RBFOX1: variants seen among roughly 807,000 people sequenced by gnomAD.
The protein encoded by RBFOX1 is RNA binding protein fox-1 homolog 1.
Under a neutral mutation model 57.7 loss-of-function variants are expected in RBFOX1, and 8 were observed. That is an observed-to-expected ratio of 0.14 (90% CI 0.08 to 0.25). The LOEUF (loss-of-function observed/expected upper bound fraction) is 0.25. Among genes scored for constraint, RBFOX1 ranks in the 10% least tolerant of loss-of-function variants. RBFOX1 has a pLI of 1.00. For missense variants in RBFOX1, 611 were observed against 548.5 expected (o/e 1.11, Z -1.14); for synonymous variants, 326 against 222.4 (o/e 1.47, Z -4.15).
At chr16:6,664,304 A>G (rs2098718953) in intron 3 of RBFOX1, among the ~76,000 whole-genome samples, 1 of 152,144 alleles carries the variant, frequency 6.6e-6, no homozygotes, top group African/African-American at 2.4e-5. Context: ...AGTAACCCTC[A>G]TTCCTCTTGG....
chr16:7,026,816 C>T (rs142760124), intron 3 of RBFOX1, among the ~76,000 whole-genome samples: 2 of 152,330 alleles, frequency 1.3e-5, no homozygotes, highest in African/African-American at 4.8e-5. Context: ...AAAGTTTACA[C>T]ATGGCACCTG....
chr16:7,142,751 T>C (rs1169813373), intron 4 of RBFOX1, among the ~76,000 whole-genome samples: 2 of 152,196 alleles, frequency 1.3e-5, no homozygotes, highest in African/African-American at 4.8e-5. Flanking sequence ...TCTACTGTTT[T>C]GTATATGACA....
At chr16:6,322,828 G>A (rs2081966709) in intron 2 of RBFOX1, among the ~76,000 whole-genome samples, 1 of 152,190 alleles carries the variant, frequency 6.6e-6, no homozygotes, top group African/African-American at 2.4e-5. Flanking sequence ...TTAATTCAAG[G>A]CCAGGCACAG....
chr16:7,696,417 G>T (rs2078809175), intron 14 of RBFOX1, among the ~76,000 whole-genome samples: 1 of 151,950 alleles, frequency 6.6e-6, no homozygotes, highest in Admixed American at 6.6e-5. Context: ...TTCTTAGACG[G>T]GAGGTCTCCG....
At chr16:6,690,614 G>A (rs1431424299) in intron 3 of RBFOX1, among the ~76,000 whole-genome samples, 3 of 152,084 alleles carry the variant, frequency 2.0e-5, no homozygotes, top group Non-Finnish European at 4.4e-5. Context: ...AGACCAAGCA[G>A]GGATTGGTTG....
intron 5 of RBFOX1, among the ~76,000 whole-genome samples, chr16:7,531,349 C>T (rs2080023398): frequency 1.3e-5 from 2 of 152,216 alleles, no homozygotes; most frequent in South Asian, 2.1e-4. Flanking sequence ...TTAGTGAGCT[C>T]ATACTGGGTA....
At chr16:6,960,990 A>C (rs2082854879) in intron 3 of RBFOX1, among the ~76,000 whole-genome samples, 1 of 134,476 alleles carries the variant, frequency 7.4e-6, no homozygotes. Flanking sequence ...AAAAAAAAAA[A>C]AAAATTAGCT....
intron 3 of RBFOX1, among the ~76,000 whole-genome samples, chr16:5,710,049 C>G (rs914573455): frequency 1.3e-5 from 2 of 150,334 alleles, no homozygotes; most frequent in Non-Finnish European, 3.0e-5. Flanking sequence ...TTTAAGTGCC[C>G]ATGTATCTTC....
intron 10 of RBFOX1, among the ~76,000 whole-genome samples, chr16:7,626,159 C>G (rs1041840378): frequency 6.6e-6 from 1 of 152,234 alleles, no homozygotes; most frequent in Non-Finnish European, 1.5e-5. Context: ...AGGTGTGAAA[C>G]TGCACTGCTG....
intron 2 of RBFOX1, among the ~76,000 whole-genome samples, chr16:6,394,499 G>A (rs564411999): frequency 4.5e-4 from 54 of 119,850 alleles, no homozygotes; most frequent in African/African-American, 1.4e-3. Context: ...ATAGCAGTGG[G>A]AAAATTGCTT....
chr16:7,091,052 C>T (rs1243245351), intron 4 of RBFOX1, among the ~76,000 whole-genome samples: 1 of 152,208 alleles, frequency 6.6e-6, no homozygotes, highest in East Asian at 1.9e-4. Flanking sequence ...CTCTGCCACT[C>T]AAGTCTTGGA....
intron 4 of RBFOX1, among the ~76,000 whole-genome samples, chr16:5,976,291 C>T (rs1178171597): frequency 1.3e-5 from 2 of 152,168 alleles, no homozygotes; most frequent in Admixed American, 6.5e-5. Context: ...GTTCTGTGAG[C>T]ACACGAGTTA....
chr16:7,456,905 T>G (rs1054967098), intron 4 of RBFOX1, among the ~76,000 whole-genome samples: 2 of 152,116 alleles, frequency 1.3e-5, no homozygotes, highest in African/African-American at 2.4e-5. Flanking sequence ...TTCTTTTTTT[T>G]TTTGAAACGG....
At chr16:7,082,796 C>G (rs546243620) in intron 4 of RBFOX1, among the ~76,000 whole-genome samples, 2 of 152,106 alleles carry the variant, frequency 1.3e-5, no homozygotes, top group Non-Finnish European at 2.9e-5. Flanking sequence ...GAGAGGCCAC[C>G]AGTAGCTTAA....
intron 4 of RBFOX1, among the ~76,000 whole-genome samples, chr16:5,920,736 G>T (rs1479805667): frequency 6.6e-6 from 1 of 152,228 alleles, no homozygotes; most frequent in Non-Finnish European, 1.5e-5. Context: ...AATGATGTCG[G>T]TGTGGGATCT....
intron 4 of RBFOX1, among the ~76,000 whole-genome samples, chr16:7,273,207 T>TCCC (rs1298230913): frequency 2.6e-5 from 2 of 77,794 alleles, no homozygotes; most frequent in Non-Finnish European, 4.9e-5. Context: ...CCTCCCTCCC[T>TCCC]TCCTTCCTTC....
chr16:5,326,273 A>C (rs1005594994), intron 1 of RBFOX1, among the ~76,000 whole-genome samples: 1 of 152,184 alleles, frequency 6.6e-6, no homozygotes, highest in African/African-American at 2.4e-5. Context: ...CAGAGCCTCA[A>C]ACTAACAGCT....
At chr16:5,827,444 C>A (rs1458439009) in intron 3 of RBFOX1, among the ~76,000 whole-genome samples, 3 of 147,428 alleles carry the variant, frequency 2.0e-5, no homozygotes, top group African/African-American at 7.6e-5. Context: ...CTGCATTGAA[C>A]AACTCATATT....
intron 1 of RBFOX1, among the ~76,000 whole-genome samples, chr16:5,325,180 C>T (rs1186788442): frequency 6.6e-6 from 1 of 152,122 alleles, no homozygotes; most frequent in Non-Finnish European, 1.5e-5. Flanking sequence ...GTGCTTGGCC[C>T]TTCTTCTCTT....
Sources: allele counts gnomAD v4.1 joint callset (sites outside exome capture counted in the v4.1 genomes callset), GRCh38; gene constraint gnomAD v4.1.1; transcripts MANE v1.5; gene names NCBI Gene and HGNC (gene_info 2026-07-23, HGNC 2026-07-21).